MACROD2: variants seen among roughly 807,000 people sequenced by gnomAD.
MACROD2 encodes mono-ADP ribosylhydrolase 2, also known as ADP-ribose glycohydrolase MACROD2.
A neutral mutation model predicts 70.4 loss-of-function variants in MACROD2; 36 were observed. The observed-to-expected ratio is 0.51, with a 90% CI of 0.39 to 0.68. The LOEUF (loss-of-function observed/expected upper bound fraction) is 0.68, where lower values mean the gene tolerates loss of function less well. Among genes scored for constraint, MACROD2 ranks in the 30% least tolerant of loss-of-function variants. The pLI, the probability that MACROD2 is intolerant of heterozygous loss-of-function variation, is 0.00. For synonymous variants in MACROD2, 172 were observed against 178.8 expected, an observed-to-expected ratio of 0.96 and a Z score of 0.30; for missense variants, 496 against 538.4, an observed-to-expected ratio of 0.92 and a Z score of 0.78.
chr20:14,327,378 G>A (rs2122583110), intron 3 of MACROD2: 1 of 1,613,734 alleles, frequency 6.2e-7, no homozygotes, highest in Non-Finnish European at 8.5e-7. Flanking sequence ...GATCATTACA[G>A]TAAATGAAAC....
chr20:14,388,745 T>G (rs756386413), intron 3 of MACROD2, among the ~76,000 whole-genome samples: 2 of 152,228 alleles, frequency 1.3e-5, no homozygotes, highest in Non-Finnish European at 2.9e-5. Flanking sequence ...GTGACTTCTC[T>G]GCTTCTTGCA....
At chr20:15,593,045 G>A (rs1262549270) in intron 8 of MACROD2, among the ~76,000 whole-genome samples, 2 of 152,152 alleles carry the variant, frequency 1.3e-5, no homozygotes, top group Non-Finnish European at 2.9e-5. Context: ...AGACACACAA[G>A]CACACACAAA....
intron 5 of MACROD2, among the ~76,000 whole-genome samples, chr20:15,168,591 C>T (rs1478220566): frequency 2.0e-5 from 3 of 151,946 alleles, no homozygotes; most frequent in African/African-American, 7.3e-5. Flanking sequence ...CAGCATTATT[C>T]ACAAAGGCCA....
At chr20:14,369,634 C>G (rs896290901) in intron 3 of MACROD2, among the ~76,000 whole-genome samples, 3 of 152,318 alleles carry the variant, frequency 2.0e-5, no homozygotes, top group African/African-American at 7.2e-5. Context: ...ATGTCACTTG[C>G]AGTTTACTTT....
intron 10 of MACROD2, among the ~76,000 whole-genome samples, chr20:15,915,190 C>G (rs2065296271): frequency 6.6e-6 from 1 of 152,108 alleles, no homozygotes; most frequent in Non-Finnish European, 1.5e-5. Context: ...ATCCCCAGCA[C>G]TTCTCTCCTC....
intron 4 of MACROD2, among the ~76,000 whole-genome samples, chr20:14,544,316 C>A (rs528873673): frequency 1.1e-3 from 159 of 150,958 alleles, no homozygotes; most frequent in Non-Finnish European, 2.0e-3. Context: ...TTATGGGTGG[C>A]AGCATAGTAT....
intron 6 of MACROD2, among the ~76,000 whole-genome samples, chr20:15,254,601 G>A (rs4371414): frequency 0.11 from 16,785 of 152,102 alleles, 1,200 homozygotes; most frequent in African/African-American, 0.19. Flanking sequence ...GAACTAATTT[G>A]ACATTAATGT....
chr20:14,085,075 A>C (rs1436350815), intron 2 of MACROD2, among the ~76,000 whole-genome samples: 1 of 150,678 alleles, frequency 6.6e-6, no homozygotes, highest in Non-Finnish European at 1.5e-5. Flanking sequence ...AGGGCAGAGA[A>C]TCTATTGAAC....
chr20:14,137,977 A>G (rs1196354161), intron 3 of MACROD2, among the ~76,000 whole-genome samples: 1 of 152,212 alleles, frequency 6.6e-6, no homozygotes, highest in East Asian at 1.9e-4. Flanking sequence ...TTTCCAAAGG[A>G]CACATACAGA....
At chr20:14,082,575 A>G (rs533487622) in intron 2 of MACROD2, among the ~76,000 whole-genome samples, 76 of 152,052 alleles carry the variant, frequency 5.0e-4, no homozygotes, top group Non-Finnish European at 7.5e-4. Context: ...AAATTCTATC[A>G]CTGCAAATGT....
intron 5 of MACROD2, among the ~76,000 whole-genome samples, chr20:14,798,282 A>G (rs1320007372): frequency 6.6e-6 from 1 of 152,058 alleles, no homozygotes; most frequent in Non-Finnish European, 1.5e-5. Flanking sequence ...AGGTAAATTT[A>G]ACTTTACTAT....
chr20:15,623,773 GTCTA>G (rs1216201071), intron 8 of MACROD2, among the ~76,000 whole-genome samples: 14 of 151,622 alleles, frequency 9.2e-5, no homozygotes, highest in Non-Finnish European at 1.5e-4. Flanking sequence ...CTATCTATGT[GTCTA>G]TCTATCATCT....
At chr20:14,130,867 T>A (rs1214275743) in intron 3 of MACROD2, among the ~76,000 whole-genome samples, 1 of 152,150 alleles carries the variant, frequency 6.6e-6, no homozygotes, top group East Asian at 1.9e-4. Flanking sequence ...AGGACAAGTT[T>A]TGTTTAAATT....
intron 3 of MACROD2, among the ~76,000 whole-genome samples, chr20:14,172,721 T>A (rs1265795982): frequency 6.6e-6 from 1 of 152,194 alleles, no homozygotes; most frequent in African/African-American, 2.4e-5. Flanking sequence ...CCTTGGTTTT[T>A]TTCATTGTGT....
intron 8 of MACROD2, among the ~76,000 whole-genome samples, chr20:15,729,024 A>G (rs2050904821): frequency 1.3e-5 from 2 of 152,134 alleles, no homozygotes; most frequent in Non-Finnish European, 2.9e-5. Flanking sequence ...ATTTAACACT[A>G]TAACATTTCT....
At chr20:16,003,455 T>G (rs1568700877) in intron 15 of MACROD2, among the ~76,000 whole-genome samples, 2 of 152,070 alleles carry the variant, frequency 1.3e-5, no homozygotes, top group African/African-American at 4.8e-5. Flanking sequence ...AAGCAGAGTT[T>G]GGAGGCTCAT....
chr20:15,511,781 G>GA (rs1436693028), intron 8 of MACROD2, among the ~76,000 whole-genome samples: 3 of 152,170 alleles, frequency 2.0e-5, no homozygotes, highest in African/African-American at 7.2e-5. Flanking sequence ...AGTGAGACAA[G>GA]AAAATTCTTG....
intron 6 of MACROD2, among the ~76,000 whole-genome samples, chr20:15,381,675 AAAAAC>A (rs2045646225): frequency 6.6e-6 from 1 of 152,064 alleles, no homozygotes; most frequent in African/African-American, 2.4e-5. Flanking sequence ...CAAAAAGACT[AAAAAC>A]AAAAAATCTA....
At chr20:15,382,418 T>G (rs1419483240) in intron 6 of MACROD2, among the ~76,000 whole-genome samples, 1 of 152,174 alleles carries the variant, frequency 6.6e-6, no homozygotes, top group African/African-American at 2.4e-5. Flanking sequence ...AAATCATGCT[T>G]CTTTAATGAA....
Sources: gnomAD v4.1 joint callset for allele counts (sites outside exome capture counted in the v4.1 genomes callset) on GRCh38, gnomAD v4.1.1 for gene constraint, MANE v1.5 for transcripts, NCBI Gene and HGNC (gene_info 2026-07-23, HGNC 2026-07-21) for gene names.